Variants in MTR observed in about 807,000 individuals in gnomAD.
The protein encoded by MTR is methionine synthase.
Under a neutral mutation model 154.8 loss-of-function variants are expected in MTR, and 84 were observed. That is an observed-to-expected ratio of 0.54 (90% CI 0.45 to 0.65). MTR has a LOEUF of 0.65. MTR is among the 30% of genes least tolerant of loss of function. The pLI is 0.00. For missense variants in MTR, 1,275 were observed against 1,570.2 expected, an observed-to-expected ratio of 0.81 and a Z score of 3.18; for synonymous variants, 554 against 553.9, an observed-to-expected ratio of 1.00 and a Z score of 0.00.
rs577543749 is a variant in MTR, at chr1:236,843,067, C to T, written c.1515+4468C>T. On this transcript the variant is annotated intron_variant, in intron 15 of 32. Transcript: ENST00000366577. Reference sequence around the variant, plus strand: ...CACCACTGCACTCCAGCCTGAGTGACAGAGTGAGACTCTGTCTCCAAAAAA... The same window carrying T: ...CACCACTGCACTCCAGCCTGAGTGATAGAGTGAGACTCTGTCTCCAAAAAA... Among the ~76,000 whole-genome samples, 292 of 135,736 alleles carry T rather than the reference C, an allele frequency of 2.2e-3. 1 individual carries two copies. The highest frequency in any genetic ancestry group is 7.6e-3 in the African/African-American group (275 of 36,090). The allele number at this position is 135,736 out of a possible 152,430, so 89.0% of individuals were successfully genotyped here.
chr1:236,841,382 C>CT (rs1663225993), intron 15 of MTR, among the ~76,000 whole-genome samples: 1 of 152,250 alleles, frequency 6.6e-6, no homozygotes, highest in South Asian at 2.1e-4. Flanking sequence ...TAATATTTAT[C>CT]TTTTTGTTTG....
chr1:236,834,190 T>C (rs1240525804), intron 13 of MTR, among the ~76,000 whole-genome samples: 9 of 152,242 alleles, frequency 5.9e-5, no homozygotes, highest in Admixed American at 3.3e-4. Flanking sequence ...AATTGATTTA[T>C]TTATTTTGAG....
intron 1 of MTR, chr1:236,800,133 A>G: frequency 1.0e-6 from 1 of 985,348 alleles, no homozygotes; most frequent in Non-Finnish European, 1.2e-6. Flanking sequence ...GGGTGGAGGC[A>G]CTCTGAGTGG....
chr1:236,844,311 A>G (rs60985027), intron 15 of MTR, among the ~76,000 whole-genome samples: 10,709 of 152,126 alleles, frequency 0.07, 722 homozygotes, highest in African/African-American at 0.18. Flanking sequence ...TTCCAAGGAG[A>G]TGAAAACTTT....
chr1:236,800,700 C>CT (rs1426475673), intron 1 of MTR, among the ~76,000 whole-genome samples: 1 of 152,198 alleles, frequency 6.6e-6, no homozygotes, highest in Non-Finnish European at 1.5e-5. Context: ...ATCTTTAGAG[C>CT]TTCAGTCCTT....
In MTR at chr1:236,826,820, T is replaced by A. The variant is rs1238133995; in HGVS notation, c.928-9T>A. On this transcript the variant is annotated splice_polypyrimidine_tract_variant and intron_variant, in intron 10 of 32. Coordinates refer to ENST00000366577, the MANE Select transcript of MTR (RefSeq NM_000254.3). ...AACTTGCTGAAACTTTGTCTCTTCCTAAATGCAGGATTTTGCTATGGATGG... is the reference window on the plus strand; with the variant it reads ...AACTTGCTGAAACTTTGTCTCTTCCAAAATGCAGGATTTTGCTATGGATGG... The A allele has an allele frequency of 1.9e-6, 3 of 1,613,840 alleles. No individual in the cohort carries two copies. The highest frequency in any genetic ancestry group is 2.5e-6 in the Non-Finnish European group (3 of 1,179,826).
At chr1:236,814,992 A>T (rs911420390) in intron 6 of MTR, among the ~76,000 whole-genome samples, 4 of 152,240 alleles carry the variant, frequency 2.6e-5, no homozygotes, top group Admixed American at 2.0e-4. Flanking sequence ...AAATATAATG[A>T]TAAAAAAGAA....
chr1:236,819,477 G>A (rs995655657), intron 8 of MTR, among the ~76,000 whole-genome samples: 7 of 152,152 alleles, frequency 4.6e-5, no homozygotes, highest in South Asian at 2.1e-4. Flanking sequence ...GAAGATGTAC[G>A]GTGGGTTTTT....
In MTR at chr1:236,902,821, A is replaced by T. The variant is rs983347948; in HGVS notation, c.*5177A>T. 1 of 152,002 alleles carries T rather than the reference A, an allele frequency of 6.6e-6. No individual in the cohort carries two copies. The highest frequency in any genetic ancestry group is 2.4e-5 in the African/African-American group (1 of 41,214). The allele number at this position is 152,002 out of a possible 1,614,324, so 9.4% of individuals were successfully genotyped here. A position where few individuals can be genotyped will look rare whatever the true frequency, so the allele number is the denominator to read the frequency against. On this transcript the variant is annotated 3_prime_UTR_variant, in exon 33 of 33. Transcript: ENST00000366577. ...TTCTTTACCGTCCCGTGAAGACAGCATATTGGCAGCCCTGCAAAAACAAAA... is the reference window on the plus strand; with the variant it reads ...TTCTTTACCGTCCCGTGAAGACAGCTTATTGGCAGCCCTGCAAAAACAAAA...
Position 236,810,576 on chromosome 1 carries a change from G to A in MTR, c.483G>A (p.Arg161=), listed in dbSNP as rs2103039354. Residue 161 remains arginine, a synonymous_variant, in exon 5 of 33, where the codon AGG becomes AGA. Coordinates refer to ENST00000366577, the MANE Select transcript of MTR (RefSeq NM_000254.3). ...KTLSVSPSVE[R]PDYRNITFDE... ...TCTCTGTGTCCCCATCTGTGGAAAG[G>A]CCGGATTATAGGAACATCAGTGAGT... 1 of 1,613,652 alleles carries A rather than the reference G, an allele frequency of 6.2e-7. No individual in the cohort carries two copies. Among genetic ancestry groups the A allele is most frequent in the Admixed American group, 1.7e-5 (1 of 60,002 alleles).
intron 32 of MTR, among the ~76,000 whole-genome samples, 188 bp downstream of exon 32, chr1:236,897,306 A>ACG (rs1553331028): frequency 1.0e-4 from 13 of 128,672 alleles, no homozygotes; most frequent in African/African-American, 5.4e-4. Flanking sequence ...CAAGCCACAC[A>ACG]CACGCACACA....
At chr1:236,822,136 G>A (rs1403258591) in intron 8 of MTR, among the ~76,000 whole-genome samples, 1 of 152,234 alleles carries the variant, frequency 6.6e-6, no homozygotes, top group African/African-American at 2.4e-5. Flanking sequence ...TATAGATCAA[G>A]GGTGAGAAAT....
chr1:236,866,745 A>G (rs1350691287), intron 22 of MTR, among the ~76,000 whole-genome samples: 1 of 152,252 alleles, frequency 6.6e-6, no homozygotes, highest in Non-Finnish European at 1.5e-5. Flanking sequence ...CACTGCTGTT[A>G]TGAGGAAAGT....
intron 15 of MTR, among the ~76,000 whole-genome samples, chr1:236,846,819 A>G (rs1028357121): frequency 1.3e-5 from 2 of 150,614 alleles, no homozygotes; most frequent in African/African-American, 4.9e-5. Flanking sequence ...TTCCCTTCCT[A>G]CTTGTCAGTG....
chr1:236,863,183 G>C (rs148238375), intron 21 of MTR, among the ~76,000 whole-genome samples: 14 of 152,316 alleles, frequency 9.2e-5, no homozygotes, highest in Non-Finnish European at 1.3e-4. Flanking sequence ...CAGAGTTAAG[G>C]ATGTGGTCTT....
At chr1:236,856,200 TG>T (rs992908475) in intron 18 of MTR, among the ~76,000 whole-genome samples, 2 of 152,108 alleles carry the variant, frequency 1.3e-5, no homozygotes, top group Non-Finnish European at 2.9e-5. Context: ...TTTTCAAGAG[TG>T]TTTGGAACAC....
chr1:236,816,147 ATC>A (rs1304240566), intron 7 of MTR, among the ~76,000 whole-genome samples: 2 of 152,218 alleles, frequency 1.3e-5, no homozygotes, highest in Non-Finnish European at 2.9e-5. Flanking sequence ...ACTTGATGTT[ATC>A]TCTGGGAAAT....
chr1:236,870,654 G>A (rs1298087813), intron 22 of MTR, among the ~76,000 whole-genome samples: 1 of 152,142 alleles, frequency 6.6e-6, no homozygotes, highest in African/African-American at 2.4e-5. Context: ...GTACTGACAA[G>A]TCCCAAATTG....
intron 4 of MTR, among the ~76,000 whole-genome samples, chr1:236,809,227 A>G (rs575839146): frequency 2.9e-4 from 44 of 152,266 alleles, no homozygotes; most frequent in African/African-American, 1.0e-3. Context: ...CCTTTCAAGC[A>G]TTTTCCCTTT....
Sources: allele counts gnomAD v4.1 joint callset (sites outside exome capture counted in the v4.1 genomes callset), GRCh38; gene constraint gnomAD v4.1.1; transcripts MANE v1.5; gene names NCBI Gene and HGNC (gene_info 2026-07-23, HGNC 2026-07-21).